The following MYO6 variants were observed in gnomAD, a reference collection of about 807,000 sequenced individuals.
MYO6 encodes the protein myosin VI.
A neutral mutation model predicts 178.7 loss-of-function variants in MYO6; 74 were observed. The observed-to-expected ratio is 0.41, with a 90% CI of 0.34 to 0.50. The LOEUF (loss-of-function observed/expected upper bound fraction) is 0.50, where lower values mean the gene tolerates loss of function less well. Among genes scored for constraint, MYO6 ranks in the 20% least tolerant of loss-of-function variants. The probability of loss-of-function intolerance (pLI) is 0.09; values close to 1 mark genes in which losing one functional copy is unlikely to be tolerated. For missense variants in MYO6, 1,330 were observed against 1,547.4 expected (o/e 0.86, Z 2.36); for synonymous variants, 477 against 504.6 (o/e 0.95, Z 0.73).
intron 32 of MYO6, among the ~76,000 whole-genome samples, chr6:75,908,894 T>A (rs1434141931): frequency 6.6e-6 from 1 of 152,062 alleles, no homozygotes; most frequent in Non-Finnish European, 1.5e-5. Flanking sequence ...GCATGCATAA[T>A]TTTCACACAC....
rs562411730 is a variant in MYO6, at chr6:75,810,839, G to A, written c.-47-6662G>A. On this transcript the variant is annotated intron_variant, in intron 1 of 34. Coordinates refer to ENST00000369977, the MANE Select transcript of MYO6 (RefSeq NM_004999.4). ...CCTCAGAGGAGCCTAATTAAAGTTG[G>A]TTGGTCAAGGAGAGAGTCTTGGCCA... is the stretch of plus-strand genomic sequence containing the variant. Among the ~76,000 whole-genome samples, 7 of 152,288 alleles carry A rather than the reference G, an allele frequency of 4.6e-5. No individual in the cohort carries two copies. The East Asian group carries it at 1.3e-3, about 29-fold the overall frequency.
At chr6:75,796,516 A>G (rs547425157) in intron 1 of MYO6, among the ~76,000 whole-genome samples, 44 of 152,140 alleles carry the variant, frequency 2.9e-4, no homozygotes, top group African/African-American at 9.9e-4. Flanking sequence ...GGTTTAGGGT[A>G]TAGATGATTT....
chr6:75,857,482 CATTG>C (rs1338891405), intron 13 of MYO6, among the ~76,000 whole-genome samples: 2 of 152,236 alleles, frequency 1.3e-5, no homozygotes, highest in Non-Finnish European at 2.9e-5. Flanking sequence ...AAAATTAAAA[CATTG>C]ATTGAAACTG....
chr6:75,769,056 T>C (rs924333005), intron 1 of MYO6, among the ~76,000 whole-genome samples: 3 of 152,088 alleles, frequency 2.0e-5, no homozygotes, highest in Non-Finnish European at 4.4e-5. Context: ...TCTTGTGAAC[T>C]CAGAGCGAGC....
intron 1 of MYO6, among the ~76,000 whole-genome samples, chr6:75,761,633 A>ACAGACAC (rs1554190901): frequency 6.8e-6 from 1 of 148,010 alleles, no homozygotes; most frequent in African/African-American, 2.5e-5. Context: ...ACACAGACAC[A>ACAGACAC]TTTTTTTTTT....
At chr6:75,766,657 G>A (rs149857303) in intron 1 of MYO6, among the ~76,000 whole-genome samples, 1 of 152,214 alleles carries the variant, frequency 6.6e-6, no homozygotes, top group East Asian at 1.9e-4. Flanking sequence ...ATCTTTATTA[G>A]CATTGCTCTA....
Position 75,787,340 on chromosome 6 carries a change from C to T in MYO6, c.-47-30161C>T, listed in dbSNP as rs185958734. The stretch of plus-strand genomic sequence containing the variant: ...AGTTACCCCAAATTGGAAACAATTC[C>T]AGTATCCATCAGCAAATCAACAGAT... On this transcript the variant is annotated intron_variant, in intron 1 of 34. Coordinates refer to ENST00000369977, the MANE Select transcript of MYO6 (RefSeq NM_004999.4). 2.2e-4 allele frequency among the ~76,000 whole-genome samples: 34 copies of T among 152,144 alleles called. No individual in the cohort carries two copies. In the East Asian group the frequency reaches 6.0e-3, roughly 27 times the overall value.
At position 75,749,409 on chromosome 6, in the gene MYO6, T is replaced by G. The variant is rs1776644724; in HGVS notation, c.-62T>G. On this transcript the variant is annotated 5_prime_UTR_variant, in exon 1 of 35. Coordinates refer to ENST00000369977, the MANE Select transcript of MYO6 (RefSeq NM_004999.4). ...GTAGCCCCGCCGCCGCGCACCTGCC[T>G]TCGCTCCCGCACCGGTGAGTGTCCC... The G allele has an allele frequency of 6.5e-6, 1 of 153,038 alleles. No homozygotes were observed. Among genetic ancestry groups the G allele is most frequent in the Admixed American group, 6.5e-5 (1 of 15,296 alleles). 9.5% of individuals were successfully genotyped at this position (153,038 alleles called of 1,614,324 possible).
At chr6:75,890,969 C>T (rs1284751126) in intron 26 of MYO6, among the ~76,000 whole-genome samples, 2 of 152,110 alleles carry the variant, frequency 1.3e-5, no homozygotes, top group Non-Finnish European at 2.9e-5. Context: ...TAATCAGGAC[C>T]TTACAGCCAG....
intron 6 of MYO6, among the ~76,000 whole-genome samples, chr6:75,834,961 G>A (rs1001493034): frequency 9.9e-5 from 15 of 152,168 alleles, no homozygotes; most frequent in African/African-American, 3.4e-4. Context: ...TGAACAAAAA[G>A]TTAAGGAGTT....
At chr6:75,858,795 T>C (rs1186715591) in intron 13 of MYO6, 107 bp from the exon 14 acceptor site, 3 of 712,680 alleles carry the variant, frequency 4.2e-6, no homozygotes, top group Non-Finnish European at 7.2e-6. Context: ...TATACAAATT[T>C]AACCTAATTT....
chr6:75,865,355 C>CTTTTTTTTTT (rs386407605), intron 16 of MYO6: 6 of 64,870 alleles, frequency 9.2e-5, no homozygotes, highest in African/African-American at 2.7e-4. Flanking sequence ...TAAATGATGT[C>CTTTTTTTTTT]TTTTTTTTTT....
intron 13 of MYO6, among the ~76,000 whole-genome samples, chr6:75,858,115 T>G (rs1775882009): frequency 6.6e-6 from 1 of 152,080 alleles, no homozygotes; most frequent in Non-Finnish European, 1.5e-5. Context: ...GCATAACACA[T>G]ACAAAGGATT....
Position 75,887,670 on chromosome 6 carries a change from A to G in MYO6, c.2658+676A>G, listed in dbSNP as rs1352761353. On this transcript the variant is annotated intron_variant, in intron 25 of 34. Coordinates refer to ENST00000369977, the MANE Select transcript of MYO6 (RefSeq NM_004999.4). ...AAAAAAAAAATGAAAAAAGAAAACT[A>G]AAGTTGGAGCAAAAAGAAAATGGCC... 5.6e-5 allele frequency among the ~76,000 whole-genome samples: 8 copies of G among 142,764 alleles called. No individual in the cohort carries two copies. The East Asian group carries it at 1.3e-3, about 23-fold the overall frequency. 93.7% of individuals were successfully genotyped at this position (142,764 alleles called of 152,430 possible).
chr6:75,770,847 A>T (rs543306198), intron 1 of MYO6, among the ~76,000 whole-genome samples: 4 of 152,232 alleles, frequency 2.6e-5, no homozygotes, highest in Non-Finnish European at 4.4e-5. Context: ...CTTTTAACTG[A>T]TTTATCTTTC....
At position 75,917,938 on chromosome 6, in the gene MYO6, T is replaced by G. The variant is rs1781208584; in HGVS notation, c.*2926T>G. ...GTACTTGGATCAGTAGAATAAATATTTATTGAATCAATCAGTCAGCCAATT... is the reference window on the plus strand; with the variant it reads ...GTACTTGGATCAGTAGAATAAATATGTATTGAATCAATCAGTCAGCCAATT... On this transcript the variant is annotated 3_prime_UTR_variant, in exon 35 of 35. Transcript: ENST00000369977. The G allele has an allele frequency of 6.6e-6, 1 of 152,670 alleles. No homozygotes were observed. Among genetic ancestry groups the G allele is most frequent in the Non-Finnish European group, 1.5e-5 (1 of 68,042 alleles). The allele number at this position is 152,670 out of a possible 1,614,324, so 9.5% of individuals were successfully genotyped here.
intron 1 of MYO6, among the ~76,000 whole-genome samples, chr6:75,781,917 C>CAAAA (rs10584481): frequency 6.7e-5 from 3 of 44,654 alleles, no homozygotes; most frequent in Non-Finnish European, 8.8e-5. Flanking sequence ...GACTCCATCT[C>CAAAA]AAAAAAAAAA....
chr6:75,757,821 A>T (rs936152283), intron 1 of MYO6, among the ~76,000 whole-genome samples: 1 of 152,058 alleles, frequency 6.6e-6, no homozygotes, highest in Non-Finnish European at 1.5e-5. Flanking sequence ...ATAATAATAC[A>T]TGTAAAACAC....
rs769359164 is a variant in MYO6 at position 75,908,619 on chromosome 6, C to G, written c.3404C>G (p.Thr1135Ser). 1 of 1,613,392 alleles carries G rather than the reference C, an allele frequency of 6.2e-7. No homozygotes were observed. The change falls in exon 32 of 35, where the codon ACT (threonine) becomes AGT (serine). Residue 1135 changes from threonine (T) to serine (S), a missense_variant. Physicochemically the swap from Thr to Ser is moderately conservative, Grantham distance 58. Around this residue, in one of 3 missense-constraint regions of MYO6, gnomAD observed 601 missense variants for 626.1 expected, o/e 0.96. Coordinates refer to ENST00000369977, the MANE Select transcript of MYO6 (RefSeq NM_004999.4). ...ETEQRAPKSV[T>S]DYDFAPFLNN... ...GAGCAACGTGCTCCAAAGTCTGTTA[C>G]TGATTATGGTAAAGAGAAATCTGTA...
Sources: gnomAD v4.1 joint callset for allele counts (sites outside exome capture counted in the v4.1 genomes callset) on GRCh38, gnomAD v4.1.1 for gene constraint, gnomAD v4.1.1 regional missense constraint, MANE v1.5 for transcripts, NCBI Gene and HGNC (gene_info 2026-07-23, HGNC 2026-07-21) for gene names.